The following DIS3L2 variants were observed in gnomAD, a reference collection of about 807,000 sequenced individuals.
DIS3L2 encodes DIS3 like 3'-5' exoribonuclease 2, also known as DIS3-like exonuclease 2.
DIS3L2 carries 34 observed loss-of-function variants against 97.5 expected under a neutral mutation model. The observed-to-expected ratio is 0.35, with a 90% confidence interval of 0.27 to 0.46. The LOEUF (loss-of-function observed/expected upper bound fraction) is 0.46, where lower values mean the gene tolerates loss of function less well. DIS3L2 is among the 20% of genes least tolerant of loss of function. The pLI, the probability that DIS3L2 is intolerant of heterozygous loss-of-function variation, is 1.00. For synonymous variants in DIS3L2, 435 were observed against 445.2 expected, an observed-to-expected ratio of 0.98 and a Z score of 0.29; for missense variants, 1,038 against 1,146.0, an observed-to-expected ratio of 0.91 and a Z score of 1.36.
At chr2:232,333,227 G>GCCT (rs1170491432) in intron 16 of DIS3L2, among the ~76,000 whole-genome samples, 88 of 24,196 alleles carry the variant, frequency 3.6e-3, no homozygotes, top group African/African-American at 6.5e-3. Flanking sequence ...CTCCGCTGTC[G>GCCT]CCTCCTCCTC....
chr2:232,124,970 A>G (rs1698012916), intron 6 of DIS3L2, among the ~76,000 whole-genome samples: 1 of 152,210 alleles, frequency 6.6e-6, no homozygotes, highest in African/African-American at 2.4e-5. Context: ...AATATAAAAT[A>G]GATACTCTTC....
At chr2:232,089,420 T>G (rs1197147554) in intron 6 of DIS3L2, among the ~76,000 whole-genome samples, 1 of 152,212 alleles carries the variant, frequency 6.6e-6, no homozygotes, top group East Asian at 1.9e-4. Flanking sequence ...ATTCTTGCGA[T>G]TTTTCTACTT....
intron 14 of DIS3L2, among the ~76,000 whole-genome samples, chr2:232,308,118 C>CA (rs1695033217): frequency 6.6e-6 from 1 of 152,240 alleles, no homozygotes; most frequent in Non-Finnish European, 1.5e-5. Context: ...TTAGGCCAGT[C>CA]ACGCTGCTTG....
chr2:232,290,526 A>G (rs1694572785), intron 13 of DIS3L2, among the ~76,000 whole-genome samples: 1 of 152,158 alleles, frequency 6.6e-6, no homozygotes, highest in South Asian at 2.1e-4. Flanking sequence ...GGGGGCATGA[A>G]TGCTACCACC....
rs1226743798 is a variant in DIS3L2 at position 232,281,672 on chromosome 2, T to C, written c.1659+18232T>C. 1.3e-5 allele frequency among the ~76,000 whole-genome samples: 2 copies of C among 152,058 alleles called. No individual in the cohort carries two copies. The highest frequency in any genetic ancestry group is 2.9e-5 in the Non-Finnish European group (2 of 68,000). Reference sequence around the variant, plus strand: ...AAAAGGGAGGGGGGACACCTGGATATGCCCAGGTTTCTGACAGGCAGGAAG... The same window carrying C: ...AAAAGGGAGGGGGGACACCTGGATACGCCCAGGTTTCTGACAGGCAGGAAG... On this transcript the variant is annotated intron_variant, in intron 13 of 20. Coordinates refer to ENST00000325385, the MANE Select transcript of DIS3L2 (RefSeq NM_152383.5). The surrounding 1 kb of genome is among the most constrained non-coding windows in gnomAD (Gnocchi z 4.1).
chr2:232,224,146 C>T (rs1692578177), intron 10 of DIS3L2, among the ~76,000 whole-genome samples: 1 of 152,178 alleles, frequency 6.6e-6, no homozygotes, highest in African/African-American at 2.4e-5. Context: ...TCAGCTGCTG[C>T]TCAGAAGTCA....
chr2:232,308,148 G>A (rs746110356), intron 14 of DIS3L2, among the ~76,000 whole-genome samples: 2 of 152,268 alleles, frequency 1.3e-5, no homozygotes, highest in Non-Finnish European at 2.9e-5. Flanking sequence ...CATCCATTCA[G>A]TGGTATGTGA....
At chr2:232,018,149 C>T (rs1694408114) in intron 3 of DIS3L2, among the ~76,000 whole-genome samples, 1 of 152,122 alleles carries the variant, frequency 6.6e-6, no homozygotes, top group Admixed American at 6.5e-5. Flanking sequence ...AGAATTATAC[C>T]TGTCTAGAGA....
chr2:232,189,422 C>G (rs1464216680), intron 9 of DIS3L2, among the ~76,000 whole-genome samples: 1 of 152,198 alleles, frequency 6.6e-6, no homozygotes, highest in African/African-American at 2.4e-5. Context: ...ATATGCGCAA[C>G]AGCTTGGATG....
chr2:232,332,459 C>G (rs543941566), intron 16 of DIS3L2, among the ~76,000 whole-genome samples: 1 of 151,896 alleles, frequency 6.6e-6, no homozygotes, highest in East Asian at 1.9e-4. Context: ...GCCAGAGAGA[C>G]ATACAGGCGT....
intron 13 of DIS3L2, among the ~76,000 whole-genome samples, chr2:232,270,897 TC>T (rs1693984530): frequency 2.7e-5 from 4 of 148,304 alleles, no homozygotes; most frequent in Non-Finnish European, 6.0e-5. Context: ...TCTCTCTCTC[TC>T]TCTCTCTCTC....
intron 13 of DIS3L2, among the ~76,000 whole-genome samples, chr2:232,282,380 C>T (rs1292145339): frequency 2.0e-5 from 3 of 152,152 alleles, no homozygotes; most frequent in Admixed American, 6.5e-5. Flanking sequence ...CAGACAATGC[C>T]ACTTTCAATA....
intron 13 of DIS3L2, among the ~76,000 whole-genome samples, chr2:232,287,203 A>G (rs1311351526): frequency 1.3e-5 from 2 of 152,222 alleles, no homozygotes; most frequent in Non-Finnish European, 2.9e-5. Flanking sequence ...TAATGAAAAC[A>G]TTCCCCTAAG....
intron 9 of DIS3L2, among the ~76,000 whole-genome samples, chr2:232,183,152 G>A (rs1220559996): frequency 1.3e-5 from 2 of 152,170 alleles, no homozygotes; most frequent in African/African-American, 4.8e-5. Flanking sequence ...ATGAGGAAGT[G>A]GGCCTTCATC....
In DIS3L2 at chr2:232,041,489, C is replaced by T. The variant is rs976743954; in HGVS notation, c.366+11409C>T. The stretch of plus-strand genomic sequence containing the variant: ...TAGGAGTCAAGGATAGGATTTGATC[C>T]TCAAGCTGGGAGAATTGACTAGAGC... On this transcript the variant is annotated intron_variant, in intron 5 of 20. Transcript: ENST00000325385. Among the ~76,000 whole-genome samples the T allele has an allele frequency of 2.6e-5, 4 of 152,248 alleles. No individual in the cohort carries two copies. The East Asian group carries it at 7.7e-4, about 29-fold the overall frequency.
chr2:232,061,794 G>A (rs1695714693), intron 5 of DIS3L2, among the ~76,000 whole-genome samples: 1 of 152,090 alleles, frequency 6.6e-6, no homozygotes, highest in Non-Finnish European at 1.5e-5. Context: ...AAATGATGTT[G>A]GGTTATATAC....
intron 13 of DIS3L2, among the ~76,000 whole-genome samples, chr2:232,265,160 C>G (rs748791117): frequency 6.6e-6 from 1 of 152,190 alleles, no homozygotes; most frequent in African/African-American, 2.4e-5. Context: ...GCTTCTTAGA[C>G]TTCTGACCTG....
intron 12 of DIS3L2, among the ~76,000 whole-genome samples, chr2:232,255,356 C>G (rs1403147721): frequency 6.6e-6 from 1 of 152,208 alleles, no homozygotes; most frequent in African/African-American, 2.4e-5. Flanking sequence ...TGCTGCGTAG[C>G]CACCAGTCTC....
At chr2:232,332,686 C>T (rs554308028) in intron 16 of DIS3L2, among the ~76,000 whole-genome samples, 1 of 152,266 alleles carries the variant, frequency 6.6e-6, no homozygotes, top group South Asian at 2.1e-4. Flanking sequence ...GGAACTCAGC[C>T]CTCTGTGTCT....
Sources: gnomAD v4.1 joint callset for allele counts (sites outside exome capture counted in the v4.1 genomes callset) on GRCh38, gnomAD v4.1.1 for gene constraint, Gnocchi (gnomAD v3.1) non-coding constraint, MANE v1.5 for transcripts, NCBI Gene and HGNC (gene_info 2026-07-23, HGNC 2026-07-21) for gene names.